Variants in PLCH1 observed in about 807,000 individuals in gnomAD.
PLCH1 encodes 1-phosphatidylinositol 4,5-bisphosphate phosphodiesterase eta-1.
In PLCH1, 60 loss-of-function variants were observed where a neutral mutation model predicts 126.7. The ratio of observed to expected loss-of-function variants is 0.47; its 90% CI spans 0.38 to 0.59. The LOEUF (loss-of-function observed/expected upper bound fraction) is 0.59, where lower values mean the gene tolerates loss of function less well. PLCH1 is among the 20% of genes least tolerant of loss of function. The pLI, the probability that PLCH1 is intolerant of heterozygous loss-of-function variation, is 0.00. For missense variants in PLCH1, 1,723 were observed against 2,040.0 expected (o/e 0.84, Z 2.99); for synonymous variants, 719 against 734.9 (o/e 0.98, Z 0.35).
At chr3:155,701,588 A>G (rs962667636) in intron 2 of PLCH1, among the ~76,000 whole-genome samples, 2 of 152,230 alleles carry the variant, frequency 1.3e-5, no homozygotes, top group African/African-American at 4.8e-5. Flanking sequence ...AAGGAGAGTT[A>G]TCAACAAAAA....
chr3:155,637,728 C>T (rs2108840858), intron 2 of PLCH1, among the ~76,000 whole-genome samples: 1 of 152,284 alleles, frequency 6.6e-6, no homozygotes, highest in African/African-American at 2.4e-5. Context: ...AATTATCATA[C>T]ATCAATAACA....
At chr3:155,532,708 A>T (rs1722859288) in intron 10 of PLCH1, among the ~76,000 whole-genome samples, 1 of 152,174 alleles carries the variant, frequency 6.6e-6, no homozygotes, top group East Asian at 1.9e-4. Context: ...AAGTTTCATG[A>T]AGCCTCCTAG....
intron 1 of PLCH1, among the ~76,000 whole-genome samples, chr3:155,706,848 G>C (rs963416000): frequency 6.6e-6 from 1 of 152,102 alleles, no homozygotes; most frequent in African/African-American, 2.4e-5. Flanking sequence ...CACACTGTAA[G>C]GAAGCCCAGA....
At chr3:155,647,520 A>G (rs1388078497) in intron 2 of PLCH1, among the ~76,000 whole-genome samples, 2 of 152,016 alleles carry the variant, frequency 1.3e-5, no homozygotes, top group Non-Finnish European at 2.9e-5. Context: ...AAAGCAGCCA[A>G]GTTAGATCAG....
intron 2 of PLCH1, among the ~76,000 whole-genome samples, chr3:155,671,548 A>T (rs903413114): frequency 2.0e-5 from 3 of 152,252 alleles, no homozygotes; most frequent in African/African-American, 7.2e-5. Context: ...GATTCTGAGT[A>T]TAGAAAAAGA....
intron 1 of PLCH1, among the ~76,000 whole-genome samples, chr3:155,723,974 A>T (rs944809333): frequency 6.6e-6 from 1 of 151,480 alleles, no homozygotes; most frequent in Non-Finnish European, 1.5e-5. Context: ...AAAAAAAAAA[A>T]ATTCCATCTT....
intron 20 of PLCH1, 117 bp downstream of exon 20, chr3:155,488,543 T>C (rs908120912): frequency 3.2e-6 from 3 of 942,376 alleles, no homozygotes; most frequent in Non-Finnish European, 4.7e-6. Flanking sequence ...AAGTCACATT[T>C]ATTACATGAC....
intron 14 of PLCH1, among the ~76,000 whole-genome samples, chr3:155,500,253 T>G (rs12107115): frequency 0.2 from 30,141 of 152,142 alleles, 3,683 homozygotes; most frequent in East Asian, 0.41. Flanking sequence ...TTAGTTTAAT[T>G]CCTTTAATCC....
chr3:155,466,421 C>T (rs1218349471), intron 21 of PLCH1, among the ~76,000 whole-genome samples: 1 of 152,242 alleles, frequency 6.6e-6, no homozygotes, highest in African/African-American at 2.4e-5. Context: ...GCAAGAACCA[C>T]ACTGTTACTA....
rs1434178075 is a variant in PLCH1 at position 155,523,993 on chromosome 3, C to G, written c.1374G>C (p.Leu458Phe). The change falls in exon 11 of 23, where the codon TTG becomes TTC. Residue 458 changes from leucine (L) to phenylalanine (F), a missense_variant. Leu to Phe is a conservative substitution (Grantham distance 22). Coordinates refer to ENST00000460012, the MANE Select transcript of PLCH1 (RefSeq NM_014996.4). ...CTGCATCATCCCCAAGGTGATAAGG[C>G]AACTTCTTACCCTGAAATGGAACAA... ...KGKILVKGKKLPYHLGDDAEE... is the reference protein window; with the variant it reads ...KGKILVKGKKFPYHLGDDAEE... The G allele has an allele frequency of 6.3e-7, 1 of 1,575,292 alleles. No individual in the cohort carries two copies. Among genetic ancestry groups the G allele is most frequent in the Non-Finnish European group, 8.7e-7 (1 of 1,146,872 alleles).
intron 1 of PLCH1, among the ~76,000 whole-genome samples, chr3:155,709,524 T>C (rs996194168): frequency 3.9e-5 from 6 of 152,222 alleles, no homozygotes; most frequent in African/African-American, 7.2e-5. Context: ...TAATTTCTAC[T>C]TTGCTAATGA....
rs528223582 is a variant in PLCH1, at chr3:155,495,232, C to A, written c.1895-715G>T. ...TAAAGGAAGGTAAAAGTACATGAAG[C>A]CTGTACTAAAGTTTCTGCCAGCACA... is the stretch of plus-strand genomic sequence containing the variant. On this transcript the variant is annotated intron_variant, in intron 15 of 22. Coordinates refer to ENST00000460012, the MANE Select transcript of PLCH1 (RefSeq NM_014996.4). 3.9e-4 allele frequency among the ~76,000 whole-genome samples: 59 copies of A among 152,162 alleles called. 1 individual carries two copies. The highest frequency in any genetic ancestry group is 6.8e-3 in the Middle Eastern group (2 of 294).
At chr3:155,716,442 T>C (rs1747513322) in intron 1 of PLCH1, among the ~76,000 whole-genome samples, 1 of 152,200 alleles carries the variant, frequency 6.6e-6, no homozygotes, top group Non-Finnish European at 1.5e-5. Context: ...AGAAAAGAGG[T>C]TTGATTAGCT....
At chr3:155,689,733 GA>G (rs1415318066) in intron 2 of PLCH1, among the ~76,000 whole-genome samples, 1 of 151,708 alleles carries the variant, frequency 6.6e-6, no homozygotes, top group Non-Finnish European at 1.5e-5. Context: ...AGTCAGAGGA[GA>G]AAAACAGAAA....
At chr3:155,633,476 A>C (rs1364245758) in intron 2 of PLCH1, among the ~76,000 whole-genome samples, 1 of 151,046 alleles carries the variant, frequency 6.6e-6, no homozygotes, top group African/African-American at 2.4e-5. Context: ...TTGCATTATT[A>C]TTTCCGTCTC....
At chr3:155,456,484 C>G (rs554766884) in intron 21 of PLCH1, among the ~76,000 whole-genome samples, 2 of 152,316 alleles carry the variant, frequency 1.3e-5, no homozygotes, top group East Asian at 3.9e-4. Context: ...ATCCTCTTTT[C>G]TGCTCTATTT....
chr3:155,561,341 C>G (rs1267922833), intron 8 of PLCH1, among the ~76,000 whole-genome samples: 7 of 143,938 alleles, frequency 4.9e-5, no homozygotes, highest in African/African-American at 1.8e-4. Context: ...TGTCCATGTG[C>G]TCTCATTGTT....
intron 21 of PLCH1, among the ~76,000 whole-genome samples, chr3:155,474,169 C>T (rs1472104144): frequency 6.6e-6 from 1 of 151,728 alleles, no homozygotes; most frequent in Admixed American, 6.6e-5. Flanking sequence ...AGTTTTGCAA[C>T]CTACTCATCT....
chr3:155,470,870 A>C (rs1218528584), intron 21 of PLCH1, among the ~76,000 whole-genome samples: 3 of 152,130 alleles, frequency 2.0e-5, no homozygotes, highest in Non-Finnish European at 4.4e-5. Context: ...ACAAACAAGC[A>C]AATGCTGAGA....
Sources: gnomAD v4.1 joint callset for allele counts (sites outside exome capture counted in the v4.1 genomes callset) on GRCh38, gnomAD v4.1.1 for gene constraint, MANE v1.5 for transcripts, NCBI Gene and HGNC (gene_info 2026-07-23, HGNC 2026-07-21) for gene names.